ACACA: variants seen among roughly 807,000 people sequenced by gnomAD.
ACACA encodes the protein acetyl-CoA carboxylase alpha, also known as acetyl-CoA carboxylase 1.
Under a neutral mutation model 296.1 loss-of-function variants are expected in ACACA, and 103 were observed. That is an observed-to-expected ratio of 0.35 (90% CI 0.30 to 0.41). The LOEUF (loss-of-function observed/expected upper bound fraction) is 0.41. Ranked by LOEUF, ACACA falls within the 10% of genes least tolerant of loss-of-function variation. ACACA has a pLI of 1.00. For missense variants in ACACA, 1,554 were observed against 2,989.7 expected, an observed-to-expected ratio of 0.52 and a Z score of 11.20; for synonymous variants, 953 against 1,038.6, an observed-to-expected ratio of 0.92 and a Z score of 1.58.
At chr17:37,194,934 C>CCA (rs1313901538) in intron 35 of ACACA, among the ~76,000 whole-genome samples, 1 of 142,592 alleles carries the variant, frequency 7.0e-6, no homozygotes, top group Admixed American at 6.9e-5. Flanking sequence ...TTCTCTGACA[C>CCA]CCCCCCCACC....
In ACACA at chr17:37,121,443, C is replaced by T. The variant is rs761392032; in HGVS notation, c.6186G>A (p.Lys2062=). The part of the protein sequence containing the change: ...GQVWFPDSAF[K]TYQAIKDFNR... ...TGAAGTCCTTGATGGCCTGATACGT[C>T]TTAAACGCAGAATCTGGGAACCAAA... Residue 2062 remains lysine (K), a synonymous_variant, in exon 50 of 56, where the codon AAG becomes AAA. Coordinates refer to ENST00000616317, the MANE Select transcript of ACACA (RefSeq NM_198834.3). 3.7e-6 allele frequency: 6 copies of T among 1,614,178 alleles called. No homozygotes were observed. The South Asian group carries it at 6.6e-5, about 18-fold the overall frequency.
chr17:37,178,575 G>A (rs778261945), intron 41 of ACACA, among the ~76,000 whole-genome samples: 6 of 152,190 alleles, frequency 3.9e-5, no homozygotes, highest in African/African-American at 4.8e-5. Flanking sequence ...TTTCGGGGCT[G>A]AGGCAGGCAG....
rs997789043 is a variant in ACACA at position 37,097,454 on chromosome 17, G to A, written c.6721-288C>T. Among the ~76,000 whole-genome samples the A allele has an allele frequency of 6.6e-6, 1 of 152,176 alleles. No individual in the cohort carries two copies. The highest frequency in any genetic ancestry group is 6.5e-5 in the Admixed American group (1 of 15,280). The stretch of plus-strand genomic sequence containing the variant: ...TGTGAGTTCCCAGATAACCAGACAA[G>A]GATAAATTCGTTTTGAGAAGATGGA... On this transcript the variant is annotated intron_variant, in intron 53 of 55. Coordinates refer to ENST00000616317, the MANE Select transcript of ACACA (RefSeq NM_198834.3). The surrounding 1 kb of genome is among the most constrained non-coding windows in gnomAD (Gnocchi z 4.8).
chr17:37,377,121 T>G (rs1425251332), intron 1 of ACACA, among the ~76,000 whole-genome samples: 1 of 152,160 alleles, frequency 6.6e-6, no homozygotes, highest in Non-Finnish European at 1.5e-5. Context: ...TGTGGAAACC[T>G]ATAGAGATAC....
Position 37,112,080 on chromosome 17 carries a change from ATCT to A in ACACA, c.6453-440_6453-438del, listed in dbSNP as rs56686708. The stretch of plus-strand genomic sequence containing the variant: ...TATCTATCTATCTATCTATCTATCT[ATCT>A]ACCTCACCTATACCACAGCTGTCAG... On this transcript the variant is annotated intron_variant, in intron 51 of 55. Coordinates refer to ENST00000616317, the MANE Select transcript of ACACA (RefSeq NM_198834.3). Among the ~76,000 whole-genome samples the A allele has an allele frequency of 2.3e-3, 349 of 151,990 alleles. 1 individual carries two copies. The highest frequency in any genetic ancestry group is 8.2e-3 in the African/African-American group (341 of 41,426).
intron 1 of ACACA, among the ~76,000 whole-genome samples, chr17:37,365,285 A>AT (rs796697782): frequency 1.3e-5 from 2 of 152,098 alleles, no homozygotes; most frequent in Non-Finnish European, 2.9e-5. Flanking sequence ...ATTAGGATAT[A>AT]TTTTTTTGTC....
At chr17:37,174,601 C>T (rs2077038254) in intron 41 of ACACA, among the ~76,000 whole-genome samples, 1 of 151,916 alleles carries the variant, frequency 6.6e-6, no homozygotes, top group South Asian at 2.1e-4. Context: ...GGCGCGATCT[C>T]GGCTCACTGC....
chr17:37,202,675 A>ATATG (rs2078305855), intron 33 of ACACA, among the ~76,000 whole-genome samples: 1 of 13,746 alleles, frequency 7.3e-5, no homozygotes, highest in Non-Finnish European at 1.3e-4. Flanking sequence ...TTTCATATAT[A>ATATG]TATATATATA....
intron 5 of ACACA, among the ~76,000 whole-genome samples, chr17:37,281,924 T>C (rs2082556179): frequency 6.6e-6 from 1 of 152,208 alleles, no homozygotes; most frequent in South Asian, 2.1e-4. Flanking sequence ...TGATCTCATC[T>C]TTACAATTAT....
intron 1 of ACACA, among the ~76,000 whole-genome samples, chr17:37,355,735 G>A (rs2049110924): frequency 6.6e-6 from 1 of 151,814 alleles, no homozygotes; most frequent in South Asian, 2.1e-4. Context: ...GCACATGCCT[G>A]TAATCCCAGC....
chr17:37,253,174 C>T (rs2081070795), intron 14 of ACACA, 138 bp from the exon 15 acceptor site: 31 of 1,237,452 alleles, frequency 2.5e-5, no homozygotes, highest in Non-Finnish European at 3.4e-5. Flanking sequence ...AGGCGGATCA[C>T]GAAGTCAGGA....
chr17:37,248,698 C>A, intron 16 of ACACA, 24 bp from the exon 17 acceptor site: 1 of 1,516,204 alleles, frequency 6.6e-7, no homozygotes, highest in East Asian at 2.3e-5. Context: ...GAGAGAGGAA[C>A]TTACTACAAA....
At chr17:37,336,411 T>A (rs2048121475) in intron 2 of ACACA, among the ~76,000 whole-genome samples, 1 of 152,164 alleles carries the variant, frequency 6.6e-6, no homozygotes, top group Admixed American at 6.5e-5. Context: ...TAAGACTAGC[T>A]GGGAAGGTGA....
In ACACA at chr17:37,333,060, T is replaced by C. The variant is rs191521250; in HGVS notation, c.86-2635A>G. Among the ~76,000 whole-genome samples, 306 of 152,200 alleles carry C rather than the reference T, an allele frequency of 2.0e-3. 1 individual carries two copies. The highest frequency in any genetic ancestry group is 7.2e-3 in the African/African-American group (299 of 41,528). ...TGGGGTATGCAGTGGTCAGTGATAA[T>C]GGAATACTTGAAAGTAATGCCCTCA... On this transcript the variant is annotated intron_variant, in intron 2 of 55. Transcript: ENST00000616317.
intron 2 of ACACA, among the ~76,000 whole-genome samples, chr17:37,335,259 A>G (rs2048063655): frequency 6.6e-6 from 1 of 152,162 alleles, no homozygotes; most frequent in African/African-American, 2.4e-5. Flanking sequence ...ACTTTAGGCC[A>G]TACATTTCAA....
At chr17:37,142,204 C>A (rs1032226435) in intron 45 of ACACA, among the ~76,000 whole-genome samples, 2 of 152,014 alleles carry the variant, frequency 1.3e-5, no homozygotes, top group African/African-American at 4.8e-5. Flanking sequence ...TCTAAGCCAC[C>A]ATATATGCAT....
chr17:37,197,194 C>T (rs1040963257), intron 35 of ACACA, among the ~76,000 whole-genome samples: 1 of 152,174 alleles, frequency 6.6e-6, no homozygotes, highest in Non-Finnish European at 1.5e-5. Flanking sequence ...ATTGTAAATG[C>T]TTATAGCAAT....
In ACACA at chr17:37,224,310, A is replaced by G. The variant is rs189063232; in HGVS notation, c.3474+682T>C. 4.9e-3 allele frequency among the ~76,000 whole-genome samples: 747 copies of G among 152,298 alleles called. 4 individuals carry two copies. Among genetic ancestry groups the G allele is most frequent in the Non-Finnish European group, 8.1e-3 (548 of 68,024 alleles). On this transcript the variant is annotated intron_variant, in intron 27 of 55. Coordinates refer to ENST00000616317, the MANE Select transcript of ACACA (RefSeq NM_198834.3). ...TCAGCTATTAACCAAATAAGAAAAA[A>G]CATCCTTTTTTCCCCTCTAGATTCC...
intron 45 of ACACA, among the ~76,000 whole-genome samples, chr17:37,135,383 C>G (rs1389172263): frequency 1.3e-5 from 2 of 152,076 alleles, no homozygotes; most frequent in African/African-American, 4.8e-5. Context: ...AGGTGCTAGG[C>G]TAGGGTTGGG....
Sources: allele counts gnomAD v4.1 joint callset (sites outside exome capture counted in the v4.1 genomes callset), GRCh38; gene constraint gnomAD v4.1.1; non-coding constraint Gnocchi (gnomAD v3.1); transcripts MANE v1.5; gene names NCBI Gene and HGNC (gene_info 2026-07-23, HGNC 2026-07-21).